Variants in NBEA observed in about 807,000 individuals in gnomAD.
The protein encoded by NBEA is neurobeachin, also known as lysosomal-trafficking regulator 2.
A neutral mutation model predicts 343.4 loss-of-function variants in NBEA; 44 were observed. The observed-to-expected ratio is 0.13, with a 90% confidence interval of 0.10 to 0.16. NBEA has a LOEUF of 0.16. NBEA is among the 10% of genes least tolerant of loss of function. The probability of loss-of-function intolerance (pLI) is 1.00; values close to 1 mark genes in which losing one functional copy is unlikely to be tolerated. For missense variants in NBEA, 2,555 were observed against 3,631.3 expected, an observed-to-expected ratio of 0.70 and a Z score of 7.62; for synonymous variants, 1,175 against 1,238.7, an observed-to-expected ratio of 0.95 and a Z score of 1.08.
chr13:34,989,453 A>G (rs967752073), intron 1 of NBEA, among the ~76,000 whole-genome samples: 4 of 150,936 alleles, frequency 2.7e-5, no homozygotes, highest in African/African-American at 9.7e-5. Context: ...ACATCTTCAC[A>G]TGGTGGAGCA....
In NBEA at chr13:35,565,311, T is replaced by C. The variant is rs187098067; in HGVS notation, c.6923-1594T>C. Among the ~76,000 whole-genome samples, 4 of 152,376 alleles carry C rather than the reference T, an allele frequency of 2.6e-5. No individual in the cohort carries two copies. In the East Asian group the frequency reaches 7.7e-4, roughly 29 times the overall value. On this transcript the variant is annotated intron_variant, in intron 44 of 58. Transcript: ENST00000379939. ...AAATAGTCATCAATAAAGTGTTTTC[T>C]AAATATATTAATTAATTTGGTTTGG...
intron 38 of NBEA, among the ~76,000 whole-genome samples, chr13:35,384,538 T>C (rs1273139368): frequency 6.7e-6 from 1 of 150,152 alleles, no homozygotes; most frequent in Non-Finnish European, 1.5e-5. Flanking sequence ...TTTTTTTTTT[T>C]TTTTTGAGAG....
At chr13:35,183,906 G>T in intron 29 of NBEA, 70 bp from the exon 30 acceptor site, 1 of 1,074,040 alleles carries the variant, frequency 9.3e-7, no homozygotes, top group Non-Finnish European at 1.4e-6. Context: ...AATTGTCATG[G>T]ATCTTCAGTG....
At chr13:35,459,692 T>C (rs2046800729) in intron 40 of NBEA, among the ~76,000 whole-genome samples, 1 of 152,142 alleles carries the variant, frequency 6.6e-6, no homozygotes, top group Admixed American at 6.5e-5. Context: ...TATATATAAA[T>C]TGAATGTTTT....
At chr13:35,063,423 G>A (rs2063535945) in intron 8 of NBEA, among the ~76,000 whole-genome samples, 1 of 151,962 alleles carries the variant, frequency 6.6e-6, no homozygotes, top group Non-Finnish European at 1.5e-5. Context: ...TGGATATACG[G>A]GGAAGAGCTT....
In NBEA at chr13:35,398,483, GA is replaced by G. The variant is rs370284380; in HGVS notation, c.6180-33783del. Among the ~76,000 whole-genome samples, 104 of 152,210 alleles carry G rather than the reference GA, an allele frequency of 6.8e-4. 1 individual carries two copies. Among genetic ancestry groups the G allele is most frequent in the African/African-American group, 2.4e-3 (98 of 41,560 alleles). ...AATGTGTTTCTTAAATAACAAAATT[GA>G]AAGTTGAAATAACTCCTTGATGCAT... On this transcript the variant is annotated intron_variant, in intron 38 of 58. Coordinates refer to ENST00000379939, the MANE Select transcript of NBEA (RefSeq NM_001385012.1).
intron 34 of NBEA, among the ~76,000 whole-genome samples, chr13:35,247,769 A>G: frequency 6.6e-6 from 1 of 152,124 alleles, no homozygotes; most frequent in East Asian, 1.9e-4. Flanking sequence ...CTATCCAAGT[A>G]GAAGCTGCAA....
intron 48 of NBEA, among the ~76,000 whole-genome samples, chr13:35,609,888 C>T (rs776512913): frequency 3.3e-5 from 5 of 152,102 alleles, no homozygotes; most frequent in Admixed American, 6.6e-5. Context: ...TGGTGAGAAG[C>T]TGCCTGCTCT....
intron 47 of NBEA, among the ~76,000 whole-genome samples, chr13:35,595,528 A>G (rs1263605666): frequency 6.6e-6 from 1 of 152,050 alleles, no homozygotes; most frequent in Non-Finnish European, 1.5e-5. Flanking sequence ...CATGCTACAT[A>G]TATACAATAA....
chr13:35,426,527 A>T (rs890775869), intron 38 of NBEA, among the ~76,000 whole-genome samples: 4 of 152,214 alleles, frequency 2.6e-5, no homozygotes, highest in African/African-American at 9.6e-5. Flanking sequence ...TGTTAGTCTG[A>T]TGGGCTTCCC....
chr13:35,435,850 G>T lies in NBEA; in HGVS notation c.6304+3457G>T, dbSNP rs190507500. Among the ~76,000 whole-genome samples the T allele has an allele frequency of 2.0e-5, 3 of 152,246 alleles. No homozygotes were observed. In the East Asian group the frequency reaches 5.8e-4, roughly 29 times the overall value. On this transcript the variant is annotated intron_variant, in intron 39 of 58. Transcript: ENST00000379939. ...TGCTGAAACAATGTAAATGAGGATT[G>T]CTGGAAACAAATCCTTTGCAAAACA...
intron 36 of NBEA, among the ~76,000 whole-genome samples, chr13:35,324,893 T>C (rs777642270): frequency 6.6e-6 from 1 of 152,056 alleles, no homozygotes; most frequent in Non-Finnish European, 1.5e-5. Context: ...CAAAAAATCA[T>C]CCCTGGCTTT....
rs144306173 is a variant in NBEA, at chr13:35,067,295, G to A, written c.1240-2613G>A. 8.9e-4 allele frequency among the ~76,000 whole-genome samples: 135 copies of A among 152,068 alleles called. No homozygotes were observed. In the East Asian group the frequency reaches 0.016, roughly 18 times the overall value. On this transcript the variant is annotated intron_variant, in intron 8 of 58. Transcript: ENST00000379939. ...CACTTGGAGTCGTTTCCTTAGCTCA[G>A]TACAACTTTGCTTCCATCTACCTTC...
rs1460409620 is a variant in NBEA, at chr13:35,671,555, G to A, written c.*564G>A. 2 of 152,904 alleles carry A rather than the reference G, an allele frequency of 1.3e-5. No individual in the cohort carries two copies. The highest frequency in any genetic ancestry group is 1.3e-4 in the Admixed American group (2 of 15,326). The allele number at this position is 152,904 out of a possible 1,614,324, so 9.5% of individuals were successfully genotyped here. A position where few individuals can be genotyped will look rare whatever the true frequency, so the allele number is the denominator to read the frequency against. ...TACTCCTGTTGGCTTGATGGAACAG[G>A]TGCATTCACACTATGAAACAGAAAG... On this transcript the variant is annotated 3_prime_UTR_variant, in exon 59 of 59. Transcript: ENST00000379939.
chr13:35,588,931 T>C (rs536432843), intron 46 of NBEA, among the ~76,000 whole-genome samples: 1 of 152,174 alleles, frequency 6.6e-6, no homozygotes, highest in Non-Finnish European at 1.5e-5. Context: ...GTGTAAATTA[T>C]GGCTTGTTTT....
chr13:35,287,509 C>T (rs138464354), intron 34 of NBEA, among the ~76,000 whole-genome samples: 32 of 152,036 alleles, frequency 2.1e-4, no homozygotes, highest in African/African-American at 7.5e-4. Context: ...CACTTTTAAA[C>T]ACTCTTATAG....
At chr13:35,075,391 A>C (rs2152585803) in intron 10 of NBEA, among the ~76,000 whole-genome samples, 1 of 152,134 alleles carries the variant, frequency 6.6e-6, no homozygotes, top group East Asian at 1.9e-4. Flanking sequence ...ACTTAGTTTT[A>C]ATGTTATTGT....
At chr13:35,211,019 T>A in intron 32 of NBEA, 34 bp from the exon 33 acceptor site, 1 of 1,534,030 alleles carries the variant, frequency 6.5e-7, no homozygotes, top group Non-Finnish European at 8.8e-7. Context: ...AATAAATTTA[T>A]GTTTAAGGCT....
chr13:35,329,474 T>C (rs2038790295), intron 36 of NBEA, among the ~76,000 whole-genome samples: 1 of 151,996 alleles, frequency 6.6e-6, no homozygotes. Context: ...TTACTCATTA[T>C]CATCCATCAT....
Sources: gnomAD v4.1 joint callset for allele counts (sites outside exome capture counted in the v4.1 genomes callset) on GRCh38, gnomAD v4.1.1 for gene constraint, MANE v1.5 for transcripts, NCBI Gene and HGNC (gene_info 2026-07-23, HGNC 2026-07-21) for gene names.